Variants in HYAL4 observed in about 807,000 individuals in gnomAD.
HYAL4 encodes hyaluronidase-4.
HYAL4 carries 37 observed loss-of-function variants against 35.2 expected under a neutral mutation model. The ratio of observed to expected loss-of-function variants is 1.05; its 90% CI spans 0.81 to 1.38. The LOEUF (loss-of-function observed/expected upper bound fraction) is 1.38, where lower values mean the gene tolerates loss of function less well. HYAL4 is among the 40% of genes most tolerant of loss of function. The pLI is 0.00. For missense variants in HYAL4, 572 were observed against 572.4 expected (o/e 1.00, Z 0.01); for synonymous variants, 198 against 203.2 (o/e 0.97, Z 0.22).
the HYAL4 span, among the ~76,000 whole-genome samples, chr7:123,775,177 A>G: frequency 6.6e-6 from 1 of 152,216 alleles, no homozygotes. Context: ...TCACGCCTGT[A>G]ATCCTGGCAC....
chr7:123,877,061 C>CGTCT lies in HYAL4; in HGVS notation c.1353_1354insTCTG (p.Ala452SerfsTer3), dbSNP rs1241069020. ...GGAGCTGATTGCAGAGAAATAAAGA[C>CGTCT]GGCTGATGGCTGCTCTGGGGTTTCC... On this transcript the variant is annotated frameshift_variant, in exon 5 of 5. Coordinates refer to ENST00000223026, the MANE Select transcript of HYAL4 (RefSeq NM_012269.3). LOFTEE classifies it low-confidence loss of function (END_TRUNC). The CGTCT allele has an allele frequency of 6.2e-7, 1 of 1,614,082 alleles. No individual in the cohort carries two copies. Among genetic ancestry groups the CGTCT allele is most frequent in the African/African-American group, 1.3e-5 (1 of 74,942 alleles).
intron 2 of HYAL4, among the ~76,000 whole-genome samples, chr7:123,866,789 CTTT>C (rs1009764748): frequency 3.0e-5 from 4 of 134,180 alleles, no homozygotes; most frequent in Admixed American, 7.6e-5. Context: ...CTTTCTCTCT[CTTT>C]TTTTTTTTTT....
upstream of HYAL4, among the ~76,000 whole-genome samples, chr7:123,844,660 G>A (rs1437617461): frequency 6.6e-6 from 1 of 152,178 alleles, no homozygotes; most frequent in African/African-American, 2.4e-5. Context: ...GAGGCAGTAG[G>A]CCTTGTTGAG....
At chr7:123,777,488 T>A in the HYAL4 span, among the ~76,000 whole-genome samples, 2 of 152,306 alleles carry the variant, frequency 1.3e-5, no homozygotes, top group South Asian at 4.1e-4. Context: ...CAGAGTTGAC[T>A]GATATTTAAC....
At chr7:123,848,720 T>C (rs966950117) in intron 2 of HYAL4, among the ~76,000 whole-genome samples, 9 of 152,216 alleles carry the variant, frequency 5.9e-5, no homozygotes, top group African/African-American at 2.2e-4. Flanking sequence ...GCACCATCTT[T>C]AATGAAACAT....
the HYAL4 span, among the ~76,000 whole-genome samples, chr7:123,804,489 C>T: frequency 6.6e-6 from 1 of 152,128 alleles, no homozygotes; most frequent in Non-Finnish European, 1.5e-5. Context: ...TTTTGTCTAT[C>T]TTTTTCTGTA....
At position 123,876,957 on chromosome 7, in the gene HYAL4, T is replaced by C. The variant is rs757728629; in HGVS notation, c.1248T>C (p.Thr416=). The C allele has an allele frequency of 1.9e-6, 3 of 1,614,178 alleles. No homozygotes were observed. Among genetic ancestry groups the C allele is most frequent in the East Asian group, 4.5e-5 (2 of 44,872 alleles). ...HIEASEDGEF[T]VKGKASDTDL... ...AGGCCTCTGAGGACGGGGAGTTTAC[T>C]GTGAAAGGAAAAGCATCTGATACAG... is the stretch of plus-strand genomic sequence containing the variant. The change falls in exon 5 of 5, where the codon ACT becomes ACC. Residue 416 remains threonine, a synonymous_variant. Transcript: ENST00000223026.
the HYAL4 span, among the ~76,000 whole-genome samples, chr7:123,801,931 AT>A: frequency 6.6e-6 from 1 of 152,120 alleles, no homozygotes; most frequent in South Asian, 2.1e-4. Context: ...AGGGCAGTGC[AT>A]TTTTTTCCCC....
chr7:123,824,100 A>T (rs573210675), upstream of HYAL4, among the ~76,000 whole-genome samples: 8 of 152,190 alleles, frequency 5.3e-5, no homozygotes, highest in African/African-American at 1.7e-4. Context: ...TTGAGTTTCA[A>T]TGCTCACTTT....
chr7:123,783,743 A>C, the HYAL4 span, among the ~76,000 whole-genome samples: 413 of 152,316 alleles, frequency 2.7e-3, 2 homozygotes, highest in African/African-American at 9.6e-3. Context: ...AATCTGTTTA[A>C]ATATGATTTA....
intron 2 of HYAL4, among the ~76,000 whole-genome samples, chr7:123,863,708 A>G (rs1806627737): frequency 2.0e-5 from 3 of 152,118 alleles, no homozygotes; most frequent in Admixed American, 6.5e-5. Context: ...GCTTTGTCTC[A>G]TTTTATTATG....
chr7:123,853,861 C>CT (rs900744757), intron 2 of HYAL4, among the ~76,000 whole-genome samples: 8 of 152,080 alleles, frequency 5.3e-5, no homozygotes, highest in Admixed American at 3.3e-4. Context: ...TGGTCCTGGG[C>CT]TTTTTTTGGT....
the HYAL4 span, among the ~76,000 whole-genome samples, chr7:123,815,431 C>T: frequency 6.6e-6 from 1 of 152,068 alleles, no homozygotes; most frequent in Non-Finnish European, 1.5e-5. Context: ...AATTATTAAC[C>T]AACTACATTT....
chr7:123,844,757 C>G (rs116094745), upstream of HYAL4, among the ~76,000 whole-genome samples: 3,203 of 152,270 alleles, frequency 0.021, 103 homozygotes, highest in African/African-American at 0.073. Context: ...CCTCCCTCAG[C>G]CAGGCTGCTG....
chr7:123,874,098 T>C (rs2116967620), intron 3 of HYAL4, among the ~76,000 whole-genome samples: 1 of 152,308 alleles, frequency 6.6e-6, no homozygotes, highest in East Asian at 1.9e-4. Flanking sequence ...TTGGATTCTG[T>C]TTCCAGGGCA....
the HYAL4 span, among the ~76,000 whole-genome samples, chr7:123,787,563 A>G: frequency 6.6e-6 from 1 of 151,964 alleles, no homozygotes; most frequent in Admixed American, 6.6e-5. Context: ...CAGTCCTACC[A>G]CCTATTGGGA....
chr7:123,776,099 G>A, the HYAL4 span, among the ~76,000 whole-genome samples: 2 of 152,220 alleles, frequency 1.3e-5, no homozygotes, highest in South Asian at 4.1e-4. Context: ...ACTGCATAAA[G>A]TAAGATATCT....
the HYAL4 span, among the ~76,000 whole-genome samples, chr7:123,773,461 T>A: frequency 6.6e-6 from 1 of 152,256 alleles, no homozygotes; most frequent in Non-Finnish European, 1.5e-5. Flanking sequence ...ATTATTGGTT[T>A]TAAAATTTCA....
At chr7:123,772,101 T>C in the HYAL4 span, among the ~76,000 whole-genome samples, 2 of 152,150 alleles carry the variant, frequency 1.3e-5, no homozygotes, top group Non-Finnish European at 1.5e-5. Flanking sequence ...AGTCTCCAGC[T>C]TGCAGATGGC....
Sources: allele counts gnomAD v4.1 joint callset (sites outside exome capture counted in the v4.1 genomes callset), GRCh38; gene constraint gnomAD v4.1.1; transcripts MANE v1.5; gene names NCBI Gene and HGNC (gene_info 2026-07-23, HGNC 2026-07-21).